Variants in KLHDC8A observed in about 807,000 individuals in gnomAD.
KLHDC8A encodes kelch domain-containing protein 8A.
Under a neutral mutation model 33.1 loss-of-function variants are expected in KLHDC8A, and 21 were observed. That is an observed-to-expected ratio of 0.64 (90% CI 0.45 to 0.91). KLHDC8A has a LOEUF of 0.91. Among genes scored for constraint, KLHDC8A ranks in the 40% least tolerant of loss-of-function variants. KLHDC8A has a pLI of 0.00. For synonymous variants in KLHDC8A, 173 were observed against 193.5 expected (o/e 0.89, Z 0.88); for missense variants, 435 against 483.3 (o/e 0.90, Z 0.94).
chr1:205,353,360 C>T (rs555780078), intron 1 of KLHDC8A, among the ~76,000 whole-genome samples: 2 of 152,178 alleles, frequency 1.3e-5, no homozygotes, highest in African/African-American at 2.4e-5. Context: ...TACGTGTTGT[C>T]TATGGCGGCT....
intron 1 of KLHDC8A, among the ~76,000 whole-genome samples, chr1:205,349,793 A>G (rs1351944265): frequency 6.6e-6 from 1 of 152,184 alleles, no homozygotes; most frequent in Non-Finnish European, 1.5e-5. Flanking sequence ...CCCGGGCCAT[A>G]CTAGAAAAAC....
intron 1 of KLHDC8A, chr1:205,351,449 T>A: frequency 1.3e-6 from 1 of 790,182 alleles, no homozygotes; most frequent in Admixed American, 1.7e-5. Flanking sequence ...AATAGTATCA[T>A]CATGTTAGAA....
chr1:205,341,280 C>G (rs1427388134), intron 2 of KLHDC8A, among the ~76,000 whole-genome samples: 2 of 152,134 alleles, frequency 1.3e-5, no homozygotes, highest in African/African-American at 4.8e-5. Flanking sequence ...GTCCTCAATG[C>G]TTCTGGCTCC....
chr1:205,347,394 A>G (rs7512024), intron 1 of KLHDC8A, among the ~76,000 whole-genome samples: 112,889 of 152,072 alleles, frequency 0.74, 42,388 homozygotes, highest in South Asian at 0.83. Flanking sequence ...GCGTAACATT[A>G]AGCCGGTGTT....
intron 1 of KLHDC8A, chr1:205,348,264 T>A (rs61824161): frequency 0.068 from 10,396 of 151,942 alleles, 475 homozygotes; most frequent in Non-Finnish European, 0.1. Flanking sequence ...GTGGGAAGGG[T>A]TTCAACGTCT....
intron 4 of KLHDC8A, 142 bp from the exon 5 acceptor site, chr1:205,338,738 G>A (rs911171203): frequency 3.1e-6 from 2 of 647,098 alleles, no homozygotes; most frequent in Admixed American, 2.8e-5. Context: ...GGAGTACACA[G>A]TTCCTCCTGC....
rs968117904 is a variant in KLHDC8A, at chr1:205,336,879, A to G, written c.*520T>C. ...GCTTCATGTCCAATTCTCGCTGAGTAGATGAGGTCCAGGGTAGGCCCACAG... is the reference window on the plus strand; with the variant it reads ...GCTTCATGTCCAATTCTCGCTGAGTGGATGAGGTCCAGGGTAGGCCCACAG... On this transcript the variant is annotated 3_prime_UTR_variant, in exon 6 of 6. Coordinates refer to ENST00000367155, the MANE Select transcript of KLHDC8A (RefSeq NM_018203.3). 2 of 157,834 alleles carry G rather than the reference A, an allele frequency of 1.3e-5. No homozygotes were observed. Among genetic ancestry groups the G allele is most frequent in the African/African-American group, 4.8e-5 (2 of 41,474 alleles). The allele number at this position is 157,834 out of a possible 1,614,324, so 9.8% of individuals were successfully genotyped here. A position where few individuals can be genotyped will look rare whatever the true frequency, so the allele number is the denominator to read the frequency against.
chr1:205,339,879 T>G lies in KLHDC8A; in HGVS notation c.377-71A>C. 1 of 1,455,508 alleles carries G rather than the reference T, an allele frequency of 6.9e-7. No individual in the cohort carries two copies. Among genetic ancestry groups the G allele is most frequent in the Non-Finnish European group, 9.4e-7 (1 of 1,063,214 alleles). 90.2% of individuals were successfully genotyped at this position (1,455,508 alleles called of 1,614,324 possible). ...AGCAAGACAGGCCCACCAGCATCTATTGCCTCCCATGGCCAGGCCAAGCTT... is the reference window on the plus strand; with the variant it reads ...AGCAAGACAGGCCCACCAGCATCTAGTGCCTCCCATGGCCAGGCCAAGCTT... On this transcript the variant is annotated intron_variant, in intron 2 of 5. Transcript: ENST00000367155. This position sits in a 1 kb window ranked among gnomAD's most constrained non-coding sequence, Gnocchi z 5.1.
intron 5 of KLHDC8A, among the ~76,000 whole-genome samples, chr1:205,338,062 T>G (rs144234280): frequency 1.6e-4 from 24 of 152,292 alleles, no homozygotes; most frequent in Non-Finnish European, 3.2e-4. Flanking sequence ...TCTGGCAGAG[T>G]TAATACATCA....
Position 205,355,902 on chromosome 1 carries a change from T to A in KLHDC8A, c.-190+631A>T, listed in dbSNP as rs796675507. ...TTCCCTTCGGAGCCAAGCACAGCAA[T>A]GTGTATGTACATAGTAGGTAGTCCA... On this transcript the variant is annotated intron_variant, in intron 1 of 5. Coordinates refer to ENST00000367155, the MANE Select transcript of KLHDC8A (RefSeq NM_018203.3). Among the ~76,000 whole-genome samples, 6 of 152,310 alleles carry A rather than the reference T, an allele frequency of 3.9e-5. No individual in the cohort carries two copies. The South Asian group carries it at 1.0e-3, about 26-fold the overall frequency.
At chr1:205,338,816 A>G (rs1662707313) in intron 4 of KLHDC8A, among the ~76,000 whole-genome samples, 1 of 152,070 alleles carries the variant, frequency 6.6e-6, no homozygotes, top group Non-Finnish European at 1.5e-5. Flanking sequence ...ATCATCCCCT[A>G]CAATGAATCA....
intron 1 of KLHDC8A, among the ~76,000 whole-genome samples, chr1:205,354,993 A>G (rs1462872365): frequency 1.3e-5 from 2 of 152,194 alleles, no homozygotes; most frequent in African/African-American, 4.8e-5. Context: ...AGGTGACAAA[A>G]CAAACTCAGA....
Position 205,356,869 on chromosome 1 carries a change from A to T in KLHDC8A, c.-526T>A, listed in dbSNP as rs1663292471. Reference sequence around the variant, plus strand: ...GCCTCAGCCAGCTCGTCAGAGCCCCAGTGTCTCCGCGCCTCTCCCTCCACC... The same window carrying T: ...GCCTCAGCCAGCTCGTCAGAGCCCCTGTGTCTCCGCGCCTCTCCCTCCACC... On this transcript the variant is annotated 5_prime_UTR_variant, in exon 1 of 6. Coordinates refer to ENST00000367155, the MANE Select transcript of KLHDC8A (RefSeq NM_018203.3). The T allele has an allele frequency of 4.0e-6, 1 of 248,960 alleles. No homozygotes were observed. Among genetic ancestry groups the T allele is most frequent in the Non-Finnish European group, 8.1e-6 (1 of 123,110 alleles). The allele number at this position is 248,960 out of a possible 1,614,324, so 15.4% of individuals were successfully genotyped here.
chr1:205,337,583 G>A lies in KLHDC8A; in HGVS notation c.869C>T (p.Pro290Leu). 2 of 1,609,916 alleles carry A rather than the reference G, an allele frequency of 1.2e-6. No homozygotes were observed. Among genetic ancestry groups the A allele is most frequent in the Non-Finnish European group, 1.7e-6 (2 of 1,177,580 alleles). ...TGCTTCCGCCGTCTCCAGGACAGTG[G>A]GTTGATTCCCTGAAAGTGTCAAGGG... ...VIVAGGLGNQ[P>L]TVLETAEAFH... is the part of the protein sequence containing the mutation. The change falls in exon 6 of 6, where the codon CCC becomes CTC. Residue 290 changes from proline (P) to leucine (L), a missense_variant. Pro to Leu is a moderately conservative substitution (Grantham distance 98, BLOSUM62 -3). Coordinates refer to ENST00000367155, the MANE Select transcript of KLHDC8A (RefSeq NM_018203.3).
Position 205,356,734 on chromosome 1 carries a change from C to T in KLHDC8A, c.-391G>A. ...ACTGCTGCTGCCTCTGGCTGATCGA[C>T]TGGGATGCAGCCAGGCCCCTATGCA... On this transcript the variant is annotated 5_prime_UTR_variant, in exon 1 of 6. Coordinates refer to ENST00000367155, the MANE Select transcript of KLHDC8A (RefSeq NM_018203.3). The T allele has an allele frequency of 5.2e-6, 2 of 381,684 alleles. No homozygotes were observed. The highest frequency in any genetic ancestry group is 5.9e-5 in the Admixed American group (2 of 33,918). 23.6% of individuals were successfully genotyped at this position (381,684 alleles called of 1,614,324 possible).
chr1:205,341,808 G>A (rs1419015051), intron 2 of KLHDC8A, among the ~76,000 whole-genome samples: 1 of 152,102 alleles, frequency 6.6e-6, no homozygotes. Context: ...CCGCCACTGT[G>A]CCAGGCTAAT....
In KLHDC8A at chr1:205,343,597, A is replaced by C; in HGVS notation, c.8T>G (p.Val3Gly). The C allele has an allele frequency of 6.3e-7, 1 of 1,596,586 alleles. No individual in the cohort carries two copies. Among genetic ancestry groups the C allele is most frequent in the Middle Eastern group, 1.8e-4 (1 of 5,544 alleles). Residue 3 changes from valine to glycine, a missense_variant, in exon 2 of 6, where the codon GTG becomes GGG. Transcript: ENST00000367155. ME[V>G]PNVKDFQWKR... ...CCACTGGAAGTCCTTGACGTTAGGC[A>C]CCTCCATGGCAGCCTTGGGGAGCGC...
intron 1 of KLHDC8A, among the ~76,000 whole-genome samples, chr1:205,344,783 G>A (rs1479054973): frequency 6.6e-6 from 1 of 152,008 alleles, no homozygotes; most frequent in African/African-American, 2.4e-5. Context: ...ACATCACCCT[G>A]CCGCCGCCCT....
At chr1:205,353,673 ACACG>A (rs1275123285) in intron 1 of KLHDC8A, among the ~76,000 whole-genome samples, 1 of 152,036 alleles carries the variant, frequency 6.6e-6, no homozygotes, top group African/African-American at 2.4e-5. Flanking sequence ...GGGACTATAG[ACACG>A]CACCACTCCC....
Sources: gnomAD v4.1 joint callset for allele counts (sites outside exome capture counted in the v4.1 genomes callset) on GRCh38, gnomAD v4.1.1 for gene constraint, Gnocchi (gnomAD v3.1) non-coding constraint, MANE v1.5 for transcripts, NCBI Gene and HGNC (gene_info 2026-07-23, HGNC 2026-07-21) for gene names.